NKAIN2: variants seen among roughly 807,000 people sequenced by gnomAD.
NKAIN2 encodes sodium/potassium-transporting ATPase subunit beta-1-interacting protein 2.
A neutral mutation model predicts 32.6 loss-of-function variants in NKAIN2; 14 were observed. The ratio of observed to expected loss-of-function variants is 0.43; its 90% CI spans 0.28 to 0.67. NKAIN2 has a LOEUF of 0.67. NKAIN2 is among the 30% of genes least tolerant of loss of function. The probability of loss-of-function intolerance (pLI) is 0.17; values close to 1 mark genes in which losing one functional copy is unlikely to be tolerated. For synonymous variants in NKAIN2, 80 were observed against 87.2 expected (o/e 0.92, Z 0.46); for missense variants, 198 against 258.3 (o/e 0.77, Z 1.60).
intron 4 of NKAIN2, among the ~76,000 whole-genome samples, chr6:124,738,763 T>C (rs1268366784): frequency 1.3e-5 from 2 of 151,872 alleles, no homozygotes; most frequent in Admixed American, 1.3e-4. Flanking sequence ...AATCACTTAA[T>C]CTCTTTCAAT....
At chr6:124,253,203 C>G (rs753889729) in intron 1 of NKAIN2, among the ~76,000 whole-genome samples, 5 of 152,028 alleles carry the variant, frequency 3.3e-5, no homozygotes, top group Non-Finnish European at 5.9e-5. Flanking sequence ...GTGTGGAAGC[C>G]TTGCACATTT....
chr6:124,762,994 CA>C (rs1778342333), intron 4 of NKAIN2, among the ~76,000 whole-genome samples: 1 of 152,268 alleles, frequency 6.6e-6, no homozygotes, highest in African/African-American at 2.4e-5. Flanking sequence ...ATGTACTGTT[CA>C]GTGTTGAAAA....
chr6:123,974,690 C>A (rs1283208183), intron 1 of NKAIN2, among the ~76,000 whole-genome samples: 3 of 152,086 alleles, frequency 2.0e-5, no homozygotes, highest in African/African-American at 2.4e-5. Flanking sequence ...GAAAGGTCAG[C>A]TAACACAGAG....
intron 3 of NKAIN2, among the ~76,000 whole-genome samples, chr6:124,443,044 C>T (rs943919498): frequency 6.6e-6 from 1 of 151,990 alleles, no homozygotes; most frequent in African/African-American, 2.4e-5. Flanking sequence ...ATTGTGTAGC[C>T]TATAAGGTAT....
intron 1 of NKAIN2, among the ~76,000 whole-genome samples, chr6:124,113,560 C>T (rs977692490): frequency 6.6e-6 from 1 of 152,144 alleles, no homozygotes; most frequent in Non-Finnish European, 1.5e-5. Context: ...CTAGACTGTG[C>T]TGGGCCCATC....
At chr6:124,261,612 G>A (rs2114844023) in intron 1 of NKAIN2, among the ~76,000 whole-genome samples, 1 of 152,254 alleles carries the variant, frequency 6.6e-6, no homozygotes, top group Admixed American at 6.5e-5. Context: ...CGTAATCCTA[G>A]CACTTTGGGG....
At chr6:124,662,467 C>T (rs1174947613) in intron 4 of NKAIN2, among the ~76,000 whole-genome samples, 5 of 152,078 alleles carry the variant, frequency 3.3e-5, no homozygotes, top group African/African-American at 9.7e-5. Flanking sequence ...AGTTCTCCTT[C>T]GGTTATATCT....
chr6:124,040,934 T>G (rs1176189343), intron 1 of NKAIN2, among the ~76,000 whole-genome samples: 1 of 152,000 alleles, frequency 6.6e-6, no homozygotes, highest in Admixed American at 6.6e-5. Flanking sequence ...GTGGCAGAGG[T>G]GAACAGAGCC....
intron 4 of NKAIN2, among the ~76,000 whole-genome samples, chr6:124,757,860 T>C (rs1346785784): frequency 6.6e-6 from 1 of 152,200 alleles, no homozygotes; most frequent in African/African-American, 2.4e-5. Flanking sequence ...GTCAATGTTA[T>C]TGAGATTAAG....
At chr6:124,745,885 C>G (rs1257973077) in intron 4 of NKAIN2, among the ~76,000 whole-genome samples, 3 of 151,820 alleles carry the variant, frequency 2.0e-5, no homozygotes, top group African/African-American at 4.8e-5. Flanking sequence ...TTGAGACCTC[C>G]TATGGCATAC....
intron 4 of NKAIN2, among the ~76,000 whole-genome samples, chr6:124,663,017 C>T (rs1420181978): frequency 6.6e-6 from 1 of 152,026 alleles, no homozygotes; most frequent in Non-Finnish European, 1.5e-5. Context: ...GTTGCCATGG[C>T]CATGGGACTA....
At chr6:124,459,839 T>A (rs1776462976) in intron 3 of NKAIN2, among the ~76,000 whole-genome samples, 1 of 151,754 alleles carries the variant, frequency 6.6e-6, no homozygotes, top group African/African-American at 2.4e-5. Flanking sequence ...TTTTGAAAAA[T>A]CTTAATCTTT....
intron 5 of NKAIN2, among the ~76,000 whole-genome samples, chr6:124,815,966 A>G (rs1020030337): frequency 1.3e-4 from 20 of 152,180 alleles, no homozygotes; most frequent in African/African-American, 4.8e-4. Flanking sequence ...TTGTTTATCC[A>G]AGGTCACATA....
intron 1 of NKAIN2, among the ~76,000 whole-genome samples, chr6:124,239,335 A>G (rs1363683802): frequency 1.3e-5 from 2 of 152,144 alleles, no homozygotes; most frequent in Non-Finnish European, 2.9e-5. Flanking sequence ...AGACAGATCA[A>G]TGAGACAGGA....
At chr6:124,562,462 G>A (rs1780731672) in intron 3 of NKAIN2, among the ~76,000 whole-genome samples, 1 of 152,128 alleles carries the variant, frequency 6.6e-6, no homozygotes, top group Admixed American at 6.5e-5. Flanking sequence ...AGCTTTATCT[G>A]GCTAGAACAG....
intron 4 of NKAIN2, among the ~76,000 whole-genome samples, chr6:124,765,239 C>T (rs1438920032): frequency 2.0e-5 from 3 of 152,154 alleles, no homozygotes; most frequent in Admixed American, 2.0e-4. Context: ...CTGCTTCTCT[C>T]CGTTCTGTAA....
chr6:124,157,924 T>C (rs746071381), intron 1 of NKAIN2, among the ~76,000 whole-genome samples: 7 of 152,206 alleles, frequency 4.6e-5, no homozygotes, highest in Non-Finnish European at 7.4e-5. Flanking sequence ...TAATTAAAGA[T>C]GAAAGTGATC....
At chr6:123,895,508 C>T (rs1039327891) in intron 1 of NKAIN2, among the ~76,000 whole-genome samples, 35 of 151,734 alleles carry the variant, frequency 2.3e-4, no homozygotes, top group African/African-American at 8.3e-4. Context: ...TAAAGTACAT[C>T]CTATGCTATG....
intron 1 of NKAIN2, among the ~76,000 whole-genome samples, chr6:123,930,084 A>G (rs1776184727): frequency 2.6e-5 from 4 of 152,276 alleles, no homozygotes; most frequent in African/African-American, 7.2e-5. Flanking sequence ...TACAATGTAC[A>G]ACAAAACCAA....
Sources: gnomAD v4.1 joint callset for allele counts (sites outside exome capture counted in the v4.1 genomes callset) on GRCh38, gnomAD v4.1.1 for gene constraint, MANE v1.5 for transcripts, NCBI Gene and HGNC (gene_info 2026-07-23, HGNC 2026-07-21) for gene names.